KREMEN1: variants seen among roughly 807,000 people sequenced by gnomAD.
KREMEN1 encodes the protein kremen protein 1.
In KREMEN1, 30 loss-of-function variants were observed where a neutral mutation model predicts 46.5. The observed-to-expected ratio is 0.65, with a 90% confidence interval of 0.48 to 0.88. The LOEUF (loss-of-function observed/expected upper bound fraction) is 0.88. Among genes scored for constraint, KREMEN1 ranks in the 40% least tolerant of loss-of-function variants. KREMEN1 has a pLI of 0.00. For missense variants in KREMEN1, 533 were observed against 596.9 expected, an observed-to-expected ratio of 0.89 and a Z score of 1.11; for synonymous variants, 214 against 230.6, an observed-to-expected ratio of 0.93 and a Z score of 0.65.
At chr22:29,120,203 G>A (rs1448093641) in intron 3 of KREMEN1, among the ~76,000 whole-genome samples, 1 of 134,010 alleles carries the variant, frequency 7.5e-6, no homozygotes, top group Admixed American at 7.6e-5. Context: ...ACAGGGAGGA[G>A]GGAGAGGTGA....
chr22:29,133,401 A>G (rs1486194848), intron 5 of KREMEN1, among the ~76,000 whole-genome samples: 1 of 152,102 alleles, frequency 6.6e-6, no homozygotes, highest in African/African-American at 2.4e-5. Flanking sequence ...CCTGGGCTCA[A>G]GCAATCCTCC....
chr22:29,154,444 C>T (rs2038943801), intron 9 of KREMEN1: 1 of 152,228 alleles, frequency 6.6e-6, no homozygotes, highest in African/African-American at 2.4e-5. Context: ...ATTTGAATGT[C>T]CTCATAGTTC....
chr22:29,149,635 G>A (rs1185046774), downstream of KREMEN1, among the ~76,000 whole-genome samples: 5 of 152,068 alleles, frequency 3.3e-5, no homozygotes, highest in East Asian at 1.9e-4. Flanking sequence ...GACAAATTAC[G>A]CTGCAATAGA....
At chr22:29,081,685 A>G (rs2037657946) in intron 1 of KREMEN1, among the ~76,000 whole-genome samples, 1 of 152,072 alleles carries the variant, frequency 6.6e-6, no homozygotes, top group Admixed American at 6.6e-5. Context: ...TTCTGCCCTA[A>G]ACTGTCTCCC....
At chr22:29,137,738 A>C in intron 6 of KREMEN1, 64 bp downstream of exon 6, 2 of 1,316,808 alleles carry the variant, frequency 1.5e-6, no homozygotes, top group South Asian at 1.6e-5. Flanking sequence ...TCTCTTCTTC[A>C]CCCTTGTGAC....
chr22:29,109,927 A>T (rs1325647965), intron 3 of KREMEN1, among the ~76,000 whole-genome samples: 1 of 152,128 alleles, frequency 6.6e-6, no homozygotes, highest in Non-Finnish European at 1.5e-5. Flanking sequence ...CTTGCCTGGG[A>T]TATTTGTGGT....
chr22:29,166,909 G>T (rs1292530778), intron 9 of KREMEN1: 1 of 665,034 alleles, frequency 1.5e-6, no homozygotes, highest in Non-Finnish European at 2.7e-6. Flanking sequence ...CTCCAGGCTG[G>T]GTGACAGAGT....
At chr22:29,125,200 C>T in intron 4 of KREMEN1, 63 bp from the exon 5 acceptor site, 1 of 1,578,382 alleles carries the variant, frequency 6.3e-7, no homozygotes, top group South Asian at 1.1e-5. Context: ...CCCTGCCAGG[C>T]TCCTTCAGGC....
chr22:29,092,159 T>C (rs2145758061), intron 1 of KREMEN1, among the ~76,000 whole-genome samples: 1 of 152,300 alleles, frequency 6.6e-6, no homozygotes, highest in East Asian at 1.9e-4. Flanking sequence ...GGGACTATAC[T>C]GGTGGCATCA....
chr22:29,079,000 G>GTCACT (rs2145734196), intron 1 of KREMEN1, among the ~76,000 whole-genome samples: 1 of 152,284 alleles, frequency 6.6e-6, no homozygotes, highest in Admixed American at 6.5e-5. Context: ...GCAGTCTGAG[G>GTCACT]TCACTCTATT....
rs757842766 is a variant in KREMEN1, at chr22:29,094,268, A to C, written c.108A>C (p.Thr36=). The C allele has an allele frequency of 6.2e-7, 1 of 1,606,110 alleles. No homozygotes were observed. The highest frequency in any genetic ancestry group is 8.5e-7 in the Non-Finnish European group (1 of 1,177,702). Residue 36 remains threonine (T), a synonymous_variant, in exon 2 of 9, where the codon ACA becomes ACC. Coordinates refer to ENST00000400335, the MANE Select transcript of KREMEN1 (RefSeq NM_001039570.3). The part of the protein sequence containing the change: ...PGLGPGPECF[T]ANGADYRGTQ... Reference sequence around the variant, plus strand: ...TTTTTTTTCTTCTAGAGTGTTTCACAGCCAATGGTGCGGATTATAGGGGAA... The same window carrying C: ...TTTTTTTTCTTCTAGAGTGTTTCACCGCCAATGGTGCGGATTATAGGGGAA...
chr22:29,164,913 G>A (rs1044760840), intron 9 of KREMEN1, among the ~76,000 whole-genome samples: 5 of 151,742 alleles, frequency 3.3e-5, no homozygotes, highest in Non-Finnish European at 7.4e-5. Flanking sequence ...GGTAGCTCAG[G>A]CCTCTAATCC....
At chr22:29,131,592 GTGTATATGTATATA>G (rs2038543406) in intron 5 of KREMEN1, among the ~76,000 whole-genome samples, 1 of 129,096 alleles carries the variant, frequency 7.7e-6, no homozygotes, top group South Asian at 2.2e-4. Flanking sequence ...GTGTGTGTGT[GTGTATATGTATATA>G]TGTGTGTATA....
chr22:29,126,607 A>C (rs2038448015), intron 5 of KREMEN1, among the ~76,000 whole-genome samples: 1 of 152,224 alleles, frequency 6.6e-6, no homozygotes, highest in South Asian at 2.1e-4. Context: ...GTTACATAAC[A>C]TTCACAGGTA....
At chr22:29,150,904 C>T (rs74663246), downstream of KREMEN1, among the ~76,000 whole-genome samples, 2,536 of 152,288 alleles carry the variant, frequency 0.017, 133 homozygotes, top group South Asian at 0.15. Context: ...AGCCAGGGGC[C>T]GCCAAGGTTC....
At chr22:29,124,781 C>T (rs2145820437) in intron 4 of KREMEN1, among the ~76,000 whole-genome samples, 1 of 152,260 alleles carries the variant, frequency 6.6e-6, no homozygotes, top group Admixed American at 6.5e-5. Flanking sequence ...ACGTAAGCCA[C>T]CATGCCCGGC....
chr22:29,082,517 G>A (rs2037671134), intron 1 of KREMEN1, among the ~76,000 whole-genome samples: 1 of 152,190 alleles, frequency 6.6e-6, no homozygotes, highest in Admixed American at 6.5e-5. Context: ...GAATACATTG[G>A]TGAGGAAACT....
In KREMEN1 at chr22:29,141,226, C is replaced by CGTGT. The variant is rs132278; in HGVS notation, c.1209-697_1209-694dup. 8.9e-3 allele frequency among the ~76,000 whole-genome samples: 1,325 copies of CGTGT among 148,532 alleles called. 12 individuals are homozygous for CGTGT. Among genetic ancestry groups the CGTGT allele is most frequent in the African/African-American group, 0.019 (784 of 40,608 alleles). On this transcript the variant is annotated intron_variant, in intron 8 of 8. Coordinates refer to ENST00000400335, the MANE Select transcript of KREMEN1 (RefSeq NM_001039570.3). The stretch of plus-strand genomic sequence containing the variant: ...AAATTTTTAGTGGAAATAATGTCCT[C>CGTGT]GTGTGTGTGTGTGTGTGTGTGTGTC...
intron 3 of KREMEN1, among the ~76,000 whole-genome samples, chr22:29,116,742 C>G (rs75746576): frequency 0.093 from 14,127 of 152,118 alleles, 966 homozygotes; most frequent in African/African-American, 0.18. Flanking sequence ...CTCTTATTAA[C>G]AACCATTAAA....
Sources: allele counts gnomAD v4.1 joint callset (sites outside exome capture counted in the v4.1 genomes callset), GRCh38; gene constraint gnomAD v4.1.1; transcripts MANE v1.5; gene names NCBI Gene and HGNC (gene_info 2026-07-23, HGNC 2026-07-21).